The following CASP5 variants were observed in gnomAD, a reference collection of about 807,000 sequenced individuals.
The protein encoded by CASP5 is caspase 5, also known as caspase-5.
Under a neutral mutation model 45.2 loss-of-function variants are expected in CASP5, and 42 were observed. The ratio of observed to expected loss-of-function variants is 0.93; its 90% CI spans 0.73 to 1.20. The LOEUF (loss-of-function observed/expected upper bound fraction) is 1.20. Among genes scored for constraint, CASP5 ranks in the 50% most tolerant of loss-of-function variants. CASP5 has a pLI of 0.00. For synonymous variants in CASP5, 209 were observed against 186.2 expected (o/e 1.12, Z -1.00); for missense variants, 512 against 532.2 (o/e 0.96, Z 0.37).
intron 1 of CASP5, among the ~76,000 whole-genome samples, chr11:105,009,810 C>T (rs1425142874): frequency 8.1e-5 from 8 of 98,436 alleles, no homozygotes; most frequent in Non-Finnish European, 1.5e-4. Flanking sequence ...TATATATACA[C>T]ACACATATAT....
At chr11:105,011,947 T>C (rs1429052795) in intron 1 of CASP5, among the ~76,000 whole-genome samples, 2 of 151,706 alleles carry the variant, frequency 1.3e-5, no homozygotes, top group Non-Finnish European at 3.0e-5. Context: ...AACCTTAAAA[T>C]TCATATGGAA....
rs1862858045 is a variant in CASP5 at position 105,019,953 on chromosome 11, C to A, written c.7+3177G>T. Among the ~76,000 whole-genome samples the A allele has an allele frequency of 2.7e-5, 4 of 145,568 alleles. 1 individual carries two copies. The highest frequency in any genetic ancestry group is 1.5e-4 in the Admixed American group (2 of 13,712). ...TCTAGCAGCACATCAAAAAGCTTAT[C>A]CACCATGATCAAGGGGGCTTCATCC... On this transcript the variant is annotated intron_variant, in intron 1 of 9. Coordinates refer to ENST00000260315, the MANE Select transcript of CASP5 (RefSeq NM_004347.5).
At chr11:104,995,657 A>T (rs3181334) in intron 9 of CASP5, 83 bp downstream of exon 9, 85,486 of 803,992 alleles carry the variant, frequency 0.11, 5,078 homozygotes, top group Middle Eastern at 0.12. Context: ...CCATATAAGC[A>T]GTCAGCTGTC....
At chr11:105,012,024 C>T (rs1226321294) in intron 1 of CASP5, among the ~76,000 whole-genome samples, 4 of 151,664 alleles carry the variant, frequency 2.6e-5, no homozygotes, top group African/African-American at 9.7e-5. Flanking sequence ...AGCACACAAC[C>T]TGACTTTAAA....
intron 8 of CASP5, among the ~76,000 whole-genome samples, 172 bp from the exon 9 acceptor site, chr11:104,996,014 C>T (rs1202360423): frequency 2.6e-5 from 4 of 152,150 alleles, no homozygotes; most frequent in Non-Finnish European, 5.9e-5. Context: ...AATTGACACC[C>T]CATGTCATAC....
chr11:104,999,863 G>C (rs1470080026), intron 6 of CASP5, among the ~76,000 whole-genome samples: 1 of 152,142 alleles, frequency 6.6e-6, no homozygotes, highest in Non-Finnish European at 1.5e-5. Context: ...TGAATAAATA[G>C]GGTGCTTGTA....
intron 3 of CASP5, among the ~76,000 whole-genome samples, chr11:105,003,931 A>T (rs1044326730): frequency 6.6e-6 from 1 of 151,904 alleles, no homozygotes. Flanking sequence ...GCCACAAGTT[A>T]TGTCTGGTGG....
chr11:105,020,941 G>A (rs1350476288), intron 1 of CASP5, among the ~76,000 whole-genome samples: 1 of 151,970 alleles, frequency 6.6e-6, no homozygotes, highest in Non-Finnish European at 1.5e-5. Flanking sequence ...AAACAGCATG[G>A]TACTGGTACC....
rs927302384 is a variant in CASP5 at position 105,021,946 on chromosome 11, G to A, written c.7+1184C>T. ...CAATGATAGACTGGATTAAGAAAAT[G>A]TGGCACATATACACCATGGAATATT... On this transcript the variant is annotated intron_variant, in intron 1 of 9. Transcript: ENST00000260315. 2.0e-5 allele frequency among the ~76,000 whole-genome samples: 3 copies of A among 150,174 alleles called. No homozygotes were observed. In the South Asian group the frequency reaches 6.4e-4, roughly 32 times the overall value.
intron 1 of CASP5, among the ~76,000 whole-genome samples, chr11:105,010,451 T>A (rs979764358): frequency 8.0e-6 from 1 of 124,274 alleles, no homozygotes; most frequent in East Asian, 2.0e-4. Flanking sequence ...ATTATCATTA[T>A]TATACTGATA....
chr11:105,019,030 C>T (rs1268842277), intron 1 of CASP5, among the ~76,000 whole-genome samples: 4 of 146,370 alleles, frequency 2.7e-5, no homozygotes, highest in Non-Finnish European at 6.1e-5. Context: ...TACATGGAAA[C>T]TGAACAACCT....
intron 1 of CASP5, among the ~76,000 whole-genome samples, chr11:105,017,241 G>A (rs555115821): frequency 4.6e-5 from 7 of 152,300 alleles, no homozygotes; most frequent in African/African-American, 1.7e-4. Flanking sequence ...ACTCTAAAAA[G>A]CAGAGCGACT....
chr11:105,013,289 A>G (rs1378448262), intron 1 of CASP5, among the ~76,000 whole-genome samples: 4 of 152,044 alleles, frequency 2.6e-5, no homozygotes, highest in Admixed American at 1.3e-4. Context: ...GGAGATGTTG[A>G]TCAAAGGAAA....
chr11:105,023,158 T>C lies in CASP5; in HGVS notation c.-22A>G. On this transcript the variant is annotated 5_prime_UTR_variant, in exon 1 of 10. Coordinates refer to ENST00000260315, the MANE Select transcript of CASP5 (RefSeq NM_004347.5). ...CCATAGCTAACAGCCTCTGTCTCTTTGTACAGCACTGGAAAGTGCCTCAGA... is the reference window on the plus strand; with the variant it reads ...CCATAGCTAACAGCCTCTGTCTCTTCGTACAGCACTGGAAAGTGCCTCAGA... 1 of 1,550,836 alleles carries C rather than the reference T, an allele frequency of 6.4e-7. No homozygotes were observed. The highest frequency in any genetic ancestry group is 8.7e-7 in the Non-Finnish European group (1 of 1,146,182).
At chr11:105,011,499 A>C (rs1433286651) in intron 1 of CASP5, among the ~76,000 whole-genome samples, 1 of 151,776 alleles carries the variant, frequency 6.6e-6, no homozygotes, top group African/African-American at 2.4e-5. Context: ...GAGAGGAAGA[A>C]GTTAATGTGT....
In CASP5 at chr11:105,010,919, G is replaced by A. The variant is rs879784520; in HGVS notation, c.8-1939C>T. Among the ~76,000 whole-genome samples the A allele has an allele frequency of 4.6e-5, 7 of 151,694 alleles. No homozygotes were observed. The East Asian group carries it at 5.8e-4, about 13-fold the overall frequency. ...AGAAAATGAAGTATACAGTAACTCC[G>A]GAGCAGGAATAGAAGTACAAGTGAT... On this transcript the variant is annotated intron_variant, in intron 1 of 9. Transcript: ENST00000260315.
chr11:105,012,999 A>C (rs1862426997), intron 1 of CASP5, among the ~76,000 whole-genome samples: 1 of 152,078 alleles, frequency 6.6e-6, no homozygotes, highest in Non-Finnish European at 1.5e-5. Context: ...CATTATTCAC[A>C]ATAGGCAAGA....
intron 1 of CASP5, among the ~76,000 whole-genome samples, chr11:105,017,413 A>G (rs914504878): frequency 6.6e-6 from 1 of 152,148 alleles, no homozygotes; most frequent in African/African-American, 2.4e-5. Flanking sequence ...CTTGAAAAAA[A>G]TTTAGAAGAA....
chr11:104,998,792 C>T (rs1270525845), intron 7 of CASP5, 93 bp downstream of exon 7: 3 of 1,229,908 alleles, frequency 2.4e-6, no homozygotes, highest in Admixed American at 4.2e-5. Flanking sequence ...TCTCTCAGCT[C>T]ATTGTTGCAT....
Sources: gnomAD v4.1 joint callset for allele counts (sites outside exome capture counted in the v4.1 genomes callset) on GRCh38, gnomAD v4.1.1 for gene constraint, MANE v1.5 for transcripts, NCBI Gene and HGNC (gene_info 2026-07-23, HGNC 2026-07-21) for gene names.